KAT6A: variants seen among roughly 807,000 people sequenced by gnomAD.
The protein encoded by KAT6A is lysine acetyltransferase 6A.
Under a neutral mutation model 198.4 loss-of-function variants are expected in KAT6A, and 9 were observed. The ratio of observed to expected loss-of-function variants is 0.05; its 90% CI spans 0.03 to 0.08. The LOEUF (loss-of-function observed/expected upper bound fraction) is 0.08. KAT6A is among the 10% of genes least tolerant of loss of function. The pLI is 1.00. For missense variants in KAT6A, 2,077 were observed against 2,509.9 expected, an observed-to-expected ratio of 0.83 and a Z score of 3.69; for synonymous variants, 890 against 883.0, an observed-to-expected ratio of 1.01 and a Z score of -0.14.
chr8:41,930,300 A>G lies in KAT6A; in HGVS notation c.*1905T>C, dbSNP rs2150852497. On this transcript the variant is annotated 3_prime_UTR_variant, in exon 17 of 17. Transcript: ENST00000265713. ...GAAGCAATGACACAGCTGAAGATGT[A>G]GGGCGATGGCAGCACAGTGCACTTT... The G allele has an allele frequency of 6.5e-6, 1 of 153,368 alleles. No homozygotes were observed. Among genetic ancestry groups the G allele is most frequent in the African/African-American group, 2.8e-5 (1 of 36,132 alleles). The allele number at this position is 153,368 out of a possible 1,614,324, so 9.5% of individuals were successfully genotyped here. A position where few individuals can be genotyped will look rare whatever the true frequency, so the allele number is the denominator to read the frequency against.
In KAT6A at chr8:41,934,605, C is replaced by T. The variant is rs751074768; in HGVS notation, c.3615G>A (p.Gln1205=). The T allele has an allele frequency of 1.9e-5, 31 of 1,613,980 alleles. No individual in the cohort carries two copies. Among genetic ancestry groups the T allele is most frequent in the Non-Finnish European group, 2.5e-5 (29 of 1,180,048 alleles). Residue 1205 remains glutamine (Q), a synonymous_variant, in exon 17 of 17, where the codon CAG becomes CAA. Transcript: ENST00000265713. ...TTGGCTCAACAGTTTCTTCACTCTC[C>T]TGGATCTTGGGTTTACGTCCAGCTT... ...IPKAGRKPKI[Q]ESEETVEPKE...
chr8:42,041,122 G>A (rs145599135), intron 2 of KAT6A, among the ~76,000 whole-genome samples: 116 of 151,054 alleles, frequency 7.7e-4, no homozygotes, highest in African/African-American at 2.5e-3. Context: ...TTGAACCTGG[G>A]AGGCAGAGGT....
chr8:41,973,883 G>C (rs186020570), intron 8 of KAT6A, among the ~76,000 whole-genome samples: 1 of 152,234 alleles, frequency 6.6e-6, no homozygotes, highest in Non-Finnish European at 1.5e-5. Flanking sequence ...CCAGGCAGAA[G>C]TAGAAGCTGG....
At chr8:42,017,624 C>A (rs941114204) in intron 2 of KAT6A, among the ~76,000 whole-genome samples, 1 of 152,094 alleles carries the variant, frequency 6.6e-6, no homozygotes, top group African/African-American at 2.4e-5. Context: ...GTGGTGCCAA[C>A]AAGGGACTAC....
Position 41,977,037 on chromosome 8 carries a change from C to T in KAT6A, c.1334G>A (p.Arg445Lys). The change falls in exon 7 of 17, where the codon AGG (arginine) becomes AAG (lysine). Residue 445 changes from arginine to lysine, a missense_variant. Coordinates refer to ENST00000265713, the MANE Select transcript of KAT6A (RefSeq NM_006766.5). ...EQYRIRKRGN[R>K]KSSTSDWPTD... ...GGGCCAATCTGAAGTGCTTGATTTC[C>T]TGTTGCCCCTCTTTCTGATTCGATA... 1 of 1,610,536 alleles carries T rather than the reference C, an allele frequency of 6.2e-7. No homozygotes were observed. The highest frequency in any genetic ancestry group is 8.5e-7 in the Non-Finnish European group (1 of 1,177,670).
Position 41,933,354 on chromosome 8 carries a change from G to C in KAT6A, c.4866C>G (p.Ser1622Arg). 6.3e-7 allele frequency: 1 copy of C among 1,588,518 alleles called. No homozygotes were observed. Among genetic ancestry groups the C allele is most frequent in the South Asian group, 1.1e-5 (1 of 87,964 alleles). The change falls in exon 17 of 17, where the codon AGC becomes AGG. Residue 1622 changes from serine to arginine, a missense_variant. This residue lies in a region of KAT6A where 500 missense variants were observed against 577.2 expected (regional missense o/e 0.87). Transcript: ENST00000265713. This position sits in a 1 kb window ranked among gnomAD's most constrained non-coding sequence, Gnocchi z 6.2. Reference protein sequence around the residue: ...MGSSCSMMQQSSVQPAANCSI... With the variant: ...MGSSCSMMQQRSVQPAANCSI... ...TGCAGTTGGCAGCAGGCTGGACGCT[G>C]CTCTGCTGCATCATGCTGCAGCTGC...
At chr8:42,008,683 G>A (rs1430620039) in intron 2 of KAT6A, among the ~76,000 whole-genome samples, 1 of 152,054 alleles carries the variant, frequency 6.6e-6, no homozygotes, top group Non-Finnish European at 1.5e-5. Flanking sequence ...CTCAAGAACA[G>A]TGCCATCTAG....
intron 5 of KAT6A, among the ~76,000 whole-genome samples, chr8:41,980,355 A>AAAC (rs147406080): frequency 5.3e-5 from 8 of 152,088 alleles, no homozygotes; most frequent in Admixed American, 2.0e-4. Context: ...TATTTCATTA[A>AAAC]AACAACAACA....
At position 42,021,903 on chromosome 8, in the gene KAT6A, G is replaced by C. The variant is rs557234131; in HGVS notation, c.600+26475C>G. On this transcript the variant is annotated intron_variant, in intron 2 of 16. Coordinates refer to ENST00000265713, the MANE Select transcript of KAT6A (RefSeq NM_006766.5). ...AGATCGTGCCACTGCACTCTAACCT[G>C]AACAGAGTAAGACTCTGTCTCAAAA... Among the ~76,000 whole-genome samples, 4 of 152,206 alleles carry C rather than the reference G, an allele frequency of 2.6e-5. No individual in the cohort carries two copies. In the East Asian group the frequency reaches 7.7e-4, roughly 29 times the overall value.
chr8:42,037,613 C>T (rs750790933), intron 2 of KAT6A, among the ~76,000 whole-genome samples: 1 of 151,910 alleles, frequency 6.6e-6, no homozygotes, highest in Non-Finnish European at 1.5e-5. Context: ...GACAACACCT[C>T]TAGATCTGCG....
Position 41,932,815 on chromosome 8 carries a change from C to A in KAT6A, c.5405G>T (p.Gly1802Val). The change falls in exon 17 of 17, where the codon GGG (glycine) becomes GTG (valine). Residue 1802 changes from glycine to valine, a missense_variant. Physicochemically the swap from Gly to Val is moderately radical, Grantham distance 109. This residue lies in a region of KAT6A where 500 missense variants were observed against 577.2 expected (regional missense o/e 0.87). Transcript: ENST00000265713. ...AQLAPSHPLA[G>V]TPQAQATMTP... ...CATGGTGGCTTGTGCTTGAGGAGTC[C>A]CAGCTAAGGGATGAGATGGAGCCAG... is the stretch of plus-strand genomic sequence containing the variant. The A allele has an allele frequency of 6.2e-7, 1 of 1,614,020 alleles. No homozygotes were observed. Among genetic ancestry groups the A allele is most frequent in the Non-Finnish European group, 8.5e-7 (1 of 1,179,956 alleles).
At chr8:42,022,865 C>A (rs971397598) in intron 2 of KAT6A, among the ~76,000 whole-genome samples, 12 of 152,132 alleles carry the variant, frequency 7.9e-5, no homozygotes, top group Non-Finnish European at 1.5e-4. Context: ...CATTACTAAG[C>A]CTAATGTACT....
Position 41,933,887 on chromosome 8 carries a change from C to G in KAT6A, c.4333G>C (p.Asp1445His). Residue 1445 changes from aspartate (D) to histidine (H), a missense_variant, in exon 17 of 17, where the codon GAC becomes CAC. Physicochemically the swap from Asp to His is moderately conservative, Grantham distance 81. This residue lies in a region of KAT6A where 178 missense variants were observed against 220.8 expected (regional missense o/e 0.81). Coordinates refer to ENST00000265713, the MANE Select transcript of KAT6A (RefSeq NM_006766.5). This position sits in a 1 kb window ranked among gnomAD's most constrained non-coding sequence, Gnocchi z 6.2. ...CACGCCGCAAGAGTTTCCTCACAGTCCTGGTAGGCGCCCTCATGCTCACTG... is the reference window on the plus strand; with the variant it reads ...CACGCCGCAAGAGTTTCCTCACAGTGCTGGTAGGCGCCCTCATGCTCACTG... ...ESSEHEGAYQ[D>H]CEETLAACQT... 6.2e-7 allele frequency: 1 copy of G among 1,614,168 alleles called. No individual in the cohort carries two copies. The highest frequency in any genetic ancestry group is 8.5e-7 in the Non-Finnish European group (1 of 1,180,020).
chr8:42,047,403 A>G (rs1181868555), intron 2 of KAT6A, among the ~76,000 whole-genome samples: 2 of 152,096 alleles, frequency 1.3e-5, no homozygotes, highest in African/African-American at 4.8e-5. Flanking sequence ...AAAACTCCCA[A>G]CTCTCCAGAA....
At chr8:42,015,841 G>A (rs561599587) in intron 2 of KAT6A, among the ~76,000 whole-genome samples, 16 of 152,210 alleles carry the variant, frequency 1.1e-4, no homozygotes, top group Non-Finnish European at 1.5e-4. Flanking sequence ...AAAATCTGAC[G>A]TTCACACAGG....
At chr8:42,021,384 C>T (rs1292403389) in intron 2 of KAT6A, among the ~76,000 whole-genome samples, 5 of 152,030 alleles carry the variant, frequency 3.3e-5, no homozygotes, top group Non-Finnish European at 2.9e-5. Flanking sequence ...TTGAAACAGG[C>T]TAAAAAACCA....
In KAT6A at chr8:41,933,690, G is replaced by C; in HGVS notation, c.4530C>G (p.Thr1510=). The change falls in exon 17 of 17, where the codon ACC becomes ACG. Residue 1510 remains threonine, a synonymous_variant. Coordinates refer to ENST00000265713, the MANE Select transcript of KAT6A (RefSeq NM_006766.5). This position sits in a 1 kb window ranked among gnomAD's most constrained non-coding sequence, Gnocchi z 6.2. The part of the protein sequence containing the change: ...PNVPALESGY[T]QISPEQGSLS... ...GGGATCCTTGTTCTGGGCTGATCTGGGTGTAGCCACTCTCAAGGGCAGGCA... is the reference window on the plus strand; with the variant it reads ...GGGATCCTTGTTCTGGGCTGATCTGCGTGTAGCCACTCTCAAGGGCAGGCA... The C allele has an allele frequency of 6.2e-7, 1 of 1,614,082 alleles. No homozygotes were observed. Among genetic ancestry groups the C allele is most frequent in the Non-Finnish European group, 8.5e-7 (1 of 1,180,014 alleles).
At chr8:42,020,644 TACTC>T (rs1276018361) in intron 2 of KAT6A, among the ~76,000 whole-genome samples, 1 of 152,194 alleles carries the variant, frequency 6.6e-6, no homozygotes, top group African/African-American at 2.4e-5. Flanking sequence ...TTAAGATAAT[TACTC>T]AAGAGTAAAA....
chr8:42,040,735 C>CAA (rs59959496), intron 2 of KAT6A, among the ~76,000 whole-genome samples: 933 of 54,446 alleles, frequency 0.017, 110 homozygotes, highest in African/African-American at 0.045. Context: ...GACTCTGTCT[C>CAA]AAAAAAAAAA....
Sources: gnomAD v4.1 joint callset for allele counts (sites outside exome capture counted in the v4.1 genomes callset) on GRCh38, gnomAD v4.1.1 for gene constraint, gnomAD v4.1.1 regional missense constraint, Gnocchi (gnomAD v3.1) non-coding constraint, MANE v1.5 for transcripts, NCBI Gene and HGNC (gene_info 2026-07-23, HGNC 2026-07-21) for gene names.